The following GALNT18 variants were observed in gnomAD, a reference collection of about 807,000 sequenced individuals.
GALNT18 encodes GalNAc-transferase 18.
In GALNT18, 44 loss-of-function variants were observed where a neutral mutation model predicts 69.5. The observed-to-expected ratio is 0.63, with a 90% CI of 0.50 to 0.81. GALNT18 has a LOEUF of 0.81. Among genes scored for constraint, GALNT18 ranks in the 40% least tolerant of loss-of-function variants. The pLI is 0.00. For missense variants in GALNT18, 715 were observed against 810.0 expected, an observed-to-expected ratio of 0.88 and a Z score of 1.42; for synonymous variants, 364 against 318.2, an observed-to-expected ratio of 1.14 and a Z score of -1.53.
At position 11,382,089 on chromosome 11, in the gene GALNT18, G is replaced by A. The variant is rs938132808; in HGVS notation, c.596-2825C>T. Among the ~76,000 whole-genome samples, 1 of 152,170 alleles carries A rather than the reference G, an allele frequency of 6.6e-6. No individual in the cohort carries two copies. Among genetic ancestry groups the A allele is most frequent in the Admixed American group, 6.5e-5 (1 of 15,268 alleles). On this transcript the variant is annotated intron_variant, in intron 3 of 10. Coordinates refer to ENST00000227756, the MANE Select transcript of GALNT18 (RefSeq NM_198516.3). The surrounding 1 kb of genome is among the most constrained non-coding windows in gnomAD (Gnocchi z 4.3). ...GCTACTTGCCTCTTTGTACCTGCGA[G>A]CTCTGTTAACACTGAGCTAGAGTAA...
Position 11,523,906 on chromosome 11 carries a change from C to T in GALNT18, c.236-74970G>A, listed in dbSNP as rs1857459372. On this transcript the variant is annotated intron_variant, in intron 1 of 10. Coordinates refer to ENST00000227756, the MANE Select transcript of GALNT18 (RefSeq NM_198516.3). This position sits in a 1 kb window ranked among gnomAD's most constrained non-coding sequence, Gnocchi z 4.3. ...TCTCAGGTCACCAAGAACATCACCC[C>T]AAATCTTATTACTTCAGTAGAGGAC... 2.6e-5 allele frequency among the ~76,000 whole-genome samples: 4 copies of T among 152,062 alleles called. No individual in the cohort carries two copies. The highest frequency in any genetic ancestry group is 1.3e-4 in the Admixed American group (2 of 15,258).
rs904588139 is a variant in GALNT18 at position 11,497,333 on chromosome 11, C to T, written c.236-48397G>A. 2.5e-4 allele frequency among the ~76,000 whole-genome samples: 31 copies of T among 126,142 alleles called. No homozygotes were observed. Among genetic ancestry groups the T allele is most frequent in the Admixed American group, 6.0e-4 (8 of 13,324 alleles). 82.8% of individuals were successfully genotyped at this position (126,142 alleles called of 152,430 possible). On this transcript the variant is annotated intron_variant, in intron 1 of 10. Transcript: ENST00000227756. The surrounding 1 kb of genome is among the most constrained non-coding windows in gnomAD (Gnocchi z 4.2). Reference sequence around the variant, plus strand: ...TGTTTTACCTCCTGTCTCCAACACACACACACACACACACACACACACACA... The same window carrying T: ...TGTTTTACCTCCTGTCTCCAACACATACACACACACACACACACACACACA...
At chr11:11,458,009 C>T (rs1339299968) in intron 1 of GALNT18, among the ~76,000 whole-genome samples, 5 of 152,180 alleles carry the variant, frequency 3.3e-5, no homozygotes, top group African/African-American at 1.2e-4. Context: ...TGCCATGGGC[C>T]CCGAGACCCT....
chr11:11,451,701 G>A (rs934744051), intron 1 of GALNT18, among the ~76,000 whole-genome samples: 1 of 152,220 alleles, frequency 6.6e-6, no homozygotes, highest in African/African-American at 2.4e-5. Flanking sequence ...TGGACTGCCA[G>A]CTCCTAGCAC....
At chr11:11,294,066 A>G (rs549213931) in intron 9 of GALNT18, among the ~76,000 whole-genome samples, 38 of 152,228 alleles carry the variant, frequency 2.5e-4, no homozygotes, top group African/African-American at 8.7e-4. Flanking sequence ...TTCTATGGGG[A>G]CTCATAGGAC....
In GALNT18 at chr11:11,444,572, C is replaced by G. The variant is rs1855605250; in HGVS notation, c.428+4172G>C. Among the ~76,000 whole-genome samples, 1 of 152,162 alleles carries G rather than the reference C, an allele frequency of 6.6e-6. No individual in the cohort carries two copies. The highest frequency in any genetic ancestry group is 2.4e-5 in the African/African-American group (1 of 41,436). On this transcript the variant is annotated intron_variant, in intron 2 of 10. Coordinates refer to ENST00000227756, the MANE Select transcript of GALNT18 (RefSeq NM_198516.3). This position sits in a 1 kb window ranked among gnomAD's most constrained non-coding sequence, Gnocchi z 4.4. ...GTTTTTCCTTCTAGTTGTGTCCTGT[C>G]TTGTCTATAAGGCACTGGCACAGCA... is the stretch of plus-strand genomic sequence containing the variant.
At chr11:11,490,846 C>T (rs1006839176) in intron 1 of GALNT18, among the ~76,000 whole-genome samples, 16 of 152,322 alleles carry the variant, frequency 1.1e-4, no homozygotes, top group Admixed American at 5.9e-4. Flanking sequence ...AACTCCAACG[C>T]GGATTGTCAG....
In GALNT18 at chr11:11,586,808, T is replaced by C. The variant is rs138270986; in HGVS notation, c.235+34551A>G. On this transcript the variant is annotated intron_variant, in intron 1 of 10. Coordinates refer to ENST00000227756, the MANE Select transcript of GALNT18 (RefSeq NM_198516.3). This position sits in a 1 kb window ranked among gnomAD's most constrained non-coding sequence, Gnocchi z 4.1. ...GGCCAACATGGTTAAACACCATCTC[T>C]ACTAAAAACACACACACACACACAC... Among the ~76,000 whole-genome samples the C allele has an allele frequency of 2.3e-3, 251 of 108,890 alleles. No homozygotes were observed. The highest frequency in any genetic ancestry group is 7.1e-3 in the African/African-American group (233 of 32,838). 71.4% of individuals were successfully genotyped at this position (108,890 alleles called of 152,430 possible).
chr11:11,515,934 G>A (rs2133920360), intron 1 of GALNT18, among the ~76,000 whole-genome samples: 1 of 152,352 alleles, frequency 6.6e-6, no homozygotes, highest in South Asian at 2.1e-4. Flanking sequence ...AGGAGCCCAT[G>A]CAGAGCTAGA....
At position 11,387,781 on chromosome 11, in the gene GALNT18, C is replaced by T. The variant is rs913330316; in HGVS notation, c.596-8517G>A. Among the ~76,000 whole-genome samples the T allele has an allele frequency of 4.6e-5, 7 of 152,180 alleles. No individual in the cohort carries two copies. Among genetic ancestry groups the T allele is most frequent in the African/African-American group, 1.7e-4 (7 of 41,452 alleles). On this transcript the variant is annotated intron_variant, in intron 3 of 10. Coordinates refer to ENST00000227756, the MANE Select transcript of GALNT18 (RefSeq NM_198516.3). This position sits in a 1 kb window ranked among gnomAD's most constrained non-coding sequence, Gnocchi z 4.6. ...CTCCATGGAGAATCTGGAGTGGGGG[C>T]TCAGGACTCAGATGGTCCTGCTGAT...
intron 1 of GALNT18, among the ~76,000 whole-genome samples, chr11:11,522,530 C>A (rs1373812014): frequency 6.6e-6 from 1 of 152,194 alleles, no homozygotes; most frequent in Non-Finnish European, 1.5e-5. Flanking sequence ...CCTGCGTCAG[C>A]TGTCCCACCA....
intron 1 of GALNT18, among the ~76,000 whole-genome samples, chr11:11,521,826 C>G (rs1043934042): frequency 1.3e-5 from 2 of 152,208 alleles, no homozygotes; most frequent in African/African-American, 4.8e-5. Flanking sequence ...CCAACACGCA[C>G]TTCACCATAG....
rs551383848 is a variant in GALNT18 at position 11,289,787 on chromosome 11, G to C, written c.1677+3242C>G. ...GGTCTTGGATGTCAAAGCAGCCTGG[G>C]CTTCAGATTCAGCCAGTGAATCTAC... is the stretch of plus-strand genomic sequence containing the variant. On this transcript the variant is annotated intron_variant, in intron 10 of 10. Transcript: ENST00000227756. 3.9e-5 allele frequency among the ~76,000 whole-genome samples: 6 copies of C among 152,290 alleles called. No individual in the cohort carries two copies. In the East Asian group the frequency reaches 1.2e-3, roughly 29 times the overall value.
chr11:11,365,846 T>C (rs867046994), intron 6 of GALNT18, among the ~76,000 whole-genome samples: 1 of 152,320 alleles, frequency 6.6e-6, no homozygotes, highest in South Asian at 2.1e-4. Flanking sequence ...AAACTCCATT[T>C]CCCATAAGAG....
chr11:11,473,532 A>G (rs779993791), intron 1 of GALNT18, among the ~76,000 whole-genome samples: 2 of 149,804 alleles, frequency 1.3e-5, no homozygotes, highest in Admixed American at 1.3e-4. Flanking sequence ...TTTGGGCCTA[A>G]AGATGGCAGA....
At chr11:11,297,692 C>G (rs1433559322) in intron 9 of GALNT18, among the ~76,000 whole-genome samples, 2 of 152,164 alleles carry the variant, frequency 1.3e-5, no homozygotes, top group African/African-American at 4.8e-5. Flanking sequence ...TCCTGTAACT[C>G]TGGTCTGAGG....
At chr11:11,550,262 G>A (rs1295205018) in intron 1 of GALNT18, among the ~76,000 whole-genome samples, 1 of 152,230 alleles carries the variant, frequency 6.6e-6, no homozygotes, top group African/African-American at 2.4e-5. Flanking sequence ...CTGGGATCTA[G>A]TCTCCTGGAT....
At chr11:11,294,798 A>G (rs1048898203) in intron 9 of GALNT18, among the ~76,000 whole-genome samples, 12 of 151,980 alleles carry the variant, frequency 7.9e-5, no homozygotes, top group African/African-American at 2.4e-4. Context: ...CCGAGTGAAA[A>G]GTCTTAGGGT....
intron 6 of GALNT18, among the ~76,000 whole-genome samples, chr11:11,366,143 G>A (rs1850763504): frequency 6.6e-6 from 1 of 152,088 alleles, no homozygotes; most frequent in Non-Finnish European, 1.5e-5. Context: ...AGCCTCTCTT[G>A]GCTTTTGCTT....
Sources: allele counts gnomAD v4.1 joint callset (sites outside exome capture counted in the v4.1 genomes callset), GRCh38; gene constraint gnomAD v4.1.1; non-coding constraint Gnocchi (gnomAD v3.1); transcripts MANE v1.5; gene names NCBI Gene and HGNC (gene_info 2026-07-23, HGNC 2026-07-21).